CAMTA1: variants seen among roughly 807,000 people sequenced by gnomAD.
CAMTA1 encodes calmodulin-binding transcription activator 1.
A neutral mutation model predicts 170.9 loss-of-function variants in CAMTA1; 27 were observed. The observed-to-expected ratio is 0.16, with a 90% confidence interval of 0.12 to 0.22. The LOEUF (loss-of-function observed/expected upper bound fraction) is 0.22. Ranked by LOEUF, CAMTA1 falls within the 10% of genes least tolerant of loss-of-function variation. The probability of loss-of-function intolerance (pLI) is 1.00; values close to 1 mark genes in which losing one functional copy is unlikely to be tolerated. For missense variants in CAMTA1, 1,619 were observed against 2,217.2 expected (o/e 0.73, Z 5.42); for synonymous variants, 833 against 891.5 (o/e 0.93, Z 1.17).
At chr1:7,066,546 A>G (rs1708987121) in intron 3 of CAMTA1, among the ~76,000 whole-genome samples, 1 of 152,242 alleles carries the variant, frequency 6.6e-6, no homozygotes, top group African/African-American at 2.4e-5. Flanking sequence ...TGAAAATGAA[A>G]TGCTTCCCCT....
intron 6 of CAMTA1, among the ~76,000 whole-genome samples, chr1:7,602,043 AGGAGG>A (rs1018716044): frequency 2.7e-5 from 4 of 147,194 alleles, no homozygotes; most frequent in Non-Finnish European, 6.0e-5. Context: ...GGAGAGGGAG[AGGAGG>A]GAGAGGGAGA....
Position 7,566,797 on chromosome 1 carries a change from G to A in CAMTA1, c.511-73603G>A, listed in dbSNP as rs186146356. ...CCTTCTATGCCCAGTGGGCTTCATCGTGCGGGGAGGGCAATGAGACCAGCC... is the reference window on the plus strand; with the variant it reads ...CCTTCTATGCCCAGTGGGCTTCATCATGCGGGGAGGGCAATGAGACCAGCC... On this transcript the variant is annotated intron_variant, in intron 6 of 22. Coordinates refer to ENST00000303635, the MANE Select transcript of CAMTA1 (RefSeq NM_015215.4). Among the ~76,000 whole-genome samples, 14 of 152,286 alleles carry A rather than the reference G, an allele frequency of 9.2e-5. No homozygotes were observed. In the East Asian group the frequency reaches 1.4e-3, roughly 15 times the overall value.
At chr1:6,820,791 C>T (rs940194530) in intron 2 of CAMTA1, among the ~76,000 whole-genome samples, 16 of 152,176 alleles carry the variant, frequency 1.1e-4, no homozygotes, top group Admixed American at 9.8e-4. Flanking sequence ...CAAGTGCTTA[C>T]TCCCTAATAA....
intron 5 of CAMTA1, among the ~76,000 whole-genome samples, chr1:7,371,652 T>C (rs1239401990): frequency 6.6e-6 from 1 of 152,182 alleles, no homozygotes; most frequent in African/African-American, 2.4e-5. Flanking sequence ...CTCAACACAG[T>C]GTGAGAGTTC....
intron 3 of CAMTA1, among the ~76,000 whole-genome samples, chr1:6,975,079 G>C (rs1480113676): frequency 1.3e-5 from 2 of 152,180 alleles, no homozygotes; most frequent in Non-Finnish European, 2.9e-5. Flanking sequence ...CGCCATCTCT[G>C]TTTTCTGGGG....
rs752362812 is a variant in CAMTA1 at position 7,736,494 on chromosome 1, G to A, written c.3217G>A (p.Ala1073Thr). 1.9e-6 allele frequency: 3 copies of A among 1,614,126 alleles called. No individual in the cohort carries two copies. Among genetic ancestry groups the A allele is most frequent in the East Asian group, 2.2e-5 (1 of 44,870 alleles). The change falls in exon 13 of 23, where the codon GCT becomes ACT. Residue 1073 changes from alanine (A) to threonine (T), a missense_variant. Physicochemically the swap from Ala to Thr is moderately conservative, Grantham distance 58 (BLOSUM62 0). Coordinates refer to ENST00000303635, the MANE Select transcript of CAMTA1 (RefSeq NM_015215.4). The surrounding 1 kb of genome is among the most constrained non-coding windows in gnomAD (Gnocchi z 4.5). ...CGGAATGACCCTACTCCACCTGGCCGCTGCCCAGGGCTATGCCACCCTAAT... is the reference window on the plus strand; with the variant it reads ...CGGAATGACCCTACTCCACCTGGCCACTGCCCAGGGCTATGCCACCCTAAT... ...FRGMTLLHLA[A>T]AQGYATLIQT...
rs377684384 is a variant in CAMTA1, at chr1:7,663,660, C to A, written c.1113C>A (p.Asp371Glu). The A allele has an allele frequency of 6.2e-7, 1 of 1,614,192 alleles. No homozygotes were observed. The highest frequency in any genetic ancestry group is 8.5e-7 in the Non-Finnish European group (1 of 1,180,044). The stretch of plus-strand genomic sequence containing the variant: ...GCAGCGGGCTCAACAGCGACCCGGA[C>A]ATGGTGGACAGCCCGGTGGTCACAG... The part of the protein sequence containing the change: ...SISSGLNSDP[D>E]MVDSPVVTGV... Residue 371 changes from aspartate to glutamate, a missense_variant, in exon 9 of 23, where the codon GAC becomes GAA. Transcript: ENST00000303635.
intron 6 of CAMTA1, among the ~76,000 whole-genome samples, chr1:7,616,140 T>A (rs1409173620): frequency 6.6e-6 from 1 of 152,234 alleles, no homozygotes; most frequent in Non-Finnish European, 1.5e-5. Flanking sequence ...GCTATAATTT[T>A]CCTGTTCCTT....
At chr1:7,449,891 A>G (rs902647867) in intron 5 of CAMTA1, among the ~76,000 whole-genome samples, 4 of 152,110 alleles carry the variant, frequency 2.6e-5, no homozygotes, top group Non-Finnish European at 5.9e-5. Flanking sequence ...TCCTTGCTCC[A>G]TGCAGCCCCC....
At chr1:7,040,459 G>A (rs1572626406) in intron 3 of CAMTA1, among the ~76,000 whole-genome samples, 2 of 152,154 alleles carry the variant, frequency 1.3e-5, no homozygotes, top group African/African-American at 4.8e-5. Flanking sequence ...TGTCTTAAAT[G>A]TGCTTAGACA....
At chr1:6,915,777 G>T (rs1422836896) in intron 3 of CAMTA1, among the ~76,000 whole-genome samples, 1 of 152,206 alleles carries the variant, frequency 6.6e-6, no homozygotes, top group Non-Finnish European at 1.5e-5. Context: ...CTCTAAGCAA[G>T]CAGTGATCCT....
chr1:7,202,694 G>A lies in CAMTA1; in HGVS notation c.303-46797G>A, dbSNP rs1177387870. ...CACTTTCAGATTATTTATTGCAATTGGGTAAAAACACAATTATTTTTATAT... is the reference window on the plus strand; with the variant it reads ...CACTTTCAGATTATTTATTGCAATTAGGTAAAAACACAATTATTTTTATAT... On this transcript the variant is annotated intron_variant, in intron 4 of 22. Coordinates refer to ENST00000303635, the MANE Select transcript of CAMTA1 (RefSeq NM_015215.4). 2.0e-5 allele frequency among the ~76,000 whole-genome samples: 3 copies of A among 152,058 alleles called. No individual in the cohort carries two copies. In the East Asian group the frequency reaches 5.8e-4, roughly 29 times the overall value.
intron 16 of CAMTA1, among the ~76,000 whole-genome samples, chr1:7,742,203 C>T (rs1479217821): frequency 6.6e-6 from 1 of 151,626 alleles, no homozygotes; most frequent in Non-Finnish European, 1.5e-5. Flanking sequence ...GCACCATAAC[C>T]TTGAAACATT....
At chr1:7,555,154 G>A (rs763751288) in intron 6 of CAMTA1, among the ~76,000 whole-genome samples, 5 of 152,214 alleles carry the variant, frequency 3.3e-5, no homozygotes, top group Admixed American at 6.5e-5. Context: ...TCTGGGAGCC[G>A]GATTGGCCTG....
intron 4 of CAMTA1, among the ~76,000 whole-genome samples, chr1:7,189,385 C>T (rs918653059): frequency 6.6e-6 from 1 of 152,188 alleles, no homozygotes; most frequent in African/African-American, 2.4e-5. Context: ...ACATTAAAAA[C>T]TACACGTCTG....
chr1:6,937,709 C>CCACCAT (rs1685683099), intron 3 of CAMTA1, among the ~76,000 whole-genome samples: 1 of 151,642 alleles, frequency 6.6e-6, no homozygotes, highest in South Asian at 2.1e-4. Context: ...CCACTTACCA[C>CCACCAT]CACCATCACC....
chr1:6,893,615 G>A (rs1876848), intron 3 of CAMTA1, among the ~76,000 whole-genome samples: 31,394 of 152,106 alleles, frequency 0.21, 3,404 homozygotes, highest in East Asian at 0.28. Context: ...GGGGTTGTGC[G>A]TTTTCATAGG....
At chr1:7,415,876 A>G (rs1307961487) in intron 5 of CAMTA1, among the ~76,000 whole-genome samples, 12 of 152,270 alleles carry the variant, frequency 7.9e-5, no homozygotes, top group South Asian at 2.1e-4. Context: ...ACAATTTGGC[A>G]TGTTTTTGCA....
intron 3 of CAMTA1, among the ~76,000 whole-genome samples, chr1:7,084,047 T>G (rs1640387394): frequency 6.6e-6 from 1 of 151,950 alleles, no homozygotes; most frequent in African/African-American, 2.4e-5. Context: ...AAAACCAAGC[T>G]TTAAGAAATT....
Sources: allele counts gnomAD v4.1 joint callset (sites outside exome capture counted in the v4.1 genomes callset), GRCh38; gene constraint gnomAD v4.1.1; non-coding constraint Gnocchi (gnomAD v3.1); transcripts MANE v1.5; gene names NCBI Gene and HGNC (gene_info 2026-07-23, HGNC 2026-07-21).